The following PDZRN4 variants were observed in gnomAD, a reference collection of about 807,000 sequenced individuals.
The protein encoded by PDZRN4 is PDZ domain containing ring finger 4.
A neutral mutation model predicts 99.0 loss-of-function variants in PDZRN4; 70 were observed. The ratio of observed to expected loss-of-function variants is 0.71; its 90% confidence interval spans 0.58 to 0.86. PDZRN4 has a LOEUF of 0.86. Among genes scored for constraint, PDZRN4 ranks in the 40% least tolerant of loss-of-function variants. The pLI, the probability that PDZRN4 is intolerant of heterozygous loss-of-function variation, is 0.00. For missense variants in PDZRN4, 1,474 were observed against 1,331.2 expected (o/e 1.11, Z -1.67); for synonymous variants, 551 against 501.6 (o/e 1.10, Z -1.32).
At chr12:41,407,579 G>A (rs967816736) in intron 3 of PDZRN4, among the ~76,000 whole-genome samples, 37 of 152,094 alleles carry the variant, frequency 2.4e-4, no homozygotes, top group Admixed American at 1.6e-3. Context: ...TTACATTTGC[G>A]TCTATTTGTT....
intron 3 of PDZRN4, among the ~76,000 whole-genome samples, chr12:41,217,602 G>T (rs1030315984): frequency 2.6e-5 from 4 of 152,096 alleles, no homozygotes; most frequent in African/African-American, 9.7e-5. Flanking sequence ...AGTCAACAAA[G>T]ACGTAGGTAG....
At chr12:41,345,023 G>A (rs937235378) in intron 3 of PDZRN4, among the ~76,000 whole-genome samples, 1 of 152,032 alleles carries the variant, frequency 6.6e-6, no homozygotes, top group Non-Finnish European at 1.5e-5. Context: ...AGGCTCTTAG[G>A]CATCACTGCT....
At chr12:41,266,036 G>A (rs539624918) in intron 3 of PDZRN4, among the ~76,000 whole-genome samples, 1 of 11,622 alleles carries the variant, frequency 8.6e-5, no homozygotes, top group Non-Finnish European at 2.3e-4. Flanking sequence ...TTAAGGCCGG[G>A]CGCGGTGGCT....
At chr12:41,309,651 A>G (rs186065746) in intron 3 of PDZRN4, among the ~76,000 whole-genome samples, 132 of 152,280 alleles carry the variant, frequency 8.7e-4, no homozygotes, top group African/African-American at 3.0e-3. Context: ...TAACAGGTAA[A>G]GTTAATGGCT....
chr12:41,309,717 T>G (rs1456894632), intron 3 of PDZRN4, among the ~76,000 whole-genome samples: 2 of 151,962 alleles, frequency 1.3e-5, no homozygotes, highest in Non-Finnish European at 2.9e-5. Flanking sequence ...AGTTAAACGA[T>G]CCAATAGAAA....
At chr12:41,487,686 A>G (rs550969922) in intron 3 of PDZRN4, among the ~76,000 whole-genome samples, 3 of 152,338 alleles carry the variant, frequency 2.0e-5, no homozygotes, top group East Asian at 3.9e-4. Flanking sequence ...TAGTTGAAGT[A>G]TCTGAAGCCC....
intron 3 of PDZRN4, among the ~76,000 whole-genome samples, chr12:41,276,587 T>C (rs1474273695): frequency 1.3e-5 from 2 of 152,160 alleles, no homozygotes; most frequent in African/African-American, 2.4e-5. Flanking sequence ...TTTCCCATTA[T>C]ATAGTCATTG....
chr12:41,458,943 G>C (rs1468422993), intron 3 of PDZRN4, among the ~76,000 whole-genome samples: 1 of 152,160 alleles, frequency 6.6e-6, no homozygotes, highest in Non-Finnish European at 1.5e-5. Flanking sequence ...GAAGAGGATG[G>C]ACATTGGCAC....
chr12:41,231,921 T>A (rs1951031610), intron 3 of PDZRN4, among the ~76,000 whole-genome samples: 1 of 152,100 alleles, frequency 6.6e-6, no homozygotes, highest in Admixed American at 6.6e-5. Context: ...ACCATGGCAC[T>A]GTTTGTAACT....
At chr12:41,470,659 A>G (rs1840443265) in intron 3 of PDZRN4, among the ~76,000 whole-genome samples, 1 of 150,590 alleles carries the variant, frequency 6.6e-6, no homozygotes, top group African/African-American at 2.4e-5. Flanking sequence ...CCCTCCCGCC[A>G]CCCCACAACC....
At chr12:41,230,453 G>A (rs1951021064) in intron 3 of PDZRN4, among the ~76,000 whole-genome samples, 1 of 151,954 alleles carries the variant, frequency 6.6e-6, no homozygotes, top group Admixed American at 6.6e-5. Flanking sequence ...CAAAAATCAT[G>A]CCACCCAATC....
chr12:41,558,399 A>G (rs1370223393), intron 7 of PDZRN4, among the ~76,000 whole-genome samples: 1 of 152,146 alleles, frequency 6.6e-6, no homozygotes, highest in Non-Finnish European at 1.5e-5. Flanking sequence ...TCCTCTTGCC[A>G]TCTACTTCAT....
chr12:41,385,033 ACCT>A (rs1952158347), intron 3 of PDZRN4, among the ~76,000 whole-genome samples: 1 of 152,176 alleles, frequency 6.6e-6, no homozygotes, highest in Non-Finnish European at 1.5e-5. Flanking sequence ...ACCACTTAGC[ACCT>A]ACTTGATGCC....
chr12:41,468,130 A>G (rs1952947210), intron 3 of PDZRN4, among the ~76,000 whole-genome samples: 1 of 152,210 alleles, frequency 6.6e-6, no homozygotes, highest in Admixed American at 6.5e-5. Context: ...GGATGTTGTA[A>G]TAGGAGTGTG....
intron 3 of PDZRN4, among the ~76,000 whole-genome samples, chr12:41,361,730 C>T (rs1037787522): frequency 1.3e-5 from 2 of 151,910 alleles, no homozygotes; most frequent in Non-Finnish European, 2.9e-5. Context: ...AATAGAAGGC[C>T]CCTTGATTTA....
intron 3 of PDZRN4, among the ~76,000 whole-genome samples, chr12:41,334,602 G>A (rs1951761547): frequency 6.6e-6 from 1 of 152,082 alleles, no homozygotes. Context: ...TCCTTATCAC[G>A]GCTTTGACTG....
intron 3 of PDZRN4, among the ~76,000 whole-genome samples, chr12:41,203,739 A>T (rs1427824602): frequency 4.6e-5 from 7 of 151,958 alleles, no homozygotes; most frequent in Admixed American, 4.6e-4. Context: ...ACTACCTATT[A>T]TTAAGAATTA....
At chr12:41,197,032 A>T (rs1035329521) in intron 3 of PDZRN4, among the ~76,000 whole-genome samples, 2 of 152,080 alleles carry the variant, frequency 1.3e-5, no homozygotes, top group African/African-American at 4.8e-5. Context: ...AAATGCTTTG[A>T]ATTTACTGAT....
At chr12:41,436,137 T>C (rs1952627073) in intron 3 of PDZRN4, among the ~76,000 whole-genome samples, 1 of 152,212 alleles carries the variant, frequency 6.6e-6, no homozygotes. Context: ...ACAAGTGGTT[T>C]CTAATTTGCT....
Sources: gnomAD v4.1 joint callset for allele counts (sites outside exome capture counted in the v4.1 genomes callset) on GRCh38, gnomAD v4.1.1 for gene constraint, MANE v1.5 for transcripts, NCBI Gene and HGNC (gene_info 2026-07-23, HGNC 2026-07-21) for gene names.